Variants in THAP7 observed in about 807,000 individuals in gnomAD.
THAP7 encodes THAP domain containing 7.
A neutral mutation model predicts 29.2 loss-of-function variants in THAP7; 22 were observed. The observed-to-expected ratio is 0.75, with a 90% CI of 0.54 to 1.08. The LOEUF (loss-of-function observed/expected upper bound fraction) is 1.08, where lower values mean the gene tolerates loss of function less well. Among genes scored for constraint, THAP7 ranks in the 50% least tolerant of loss-of-function variants. The probability of loss-of-function intolerance (pLI) is 0.00; values close to 1 mark genes in which losing one functional copy is unlikely to be tolerated. For missense variants in THAP7, 448 were observed against 416.2 expected (o/e 1.08, Z -0.66); for synonymous variants, 208 against 173.4 (o/e 1.20, Z -1.57).
In THAP7 at chr22:21,001,339, C is replaced by G. The variant is rs1244143238; in HGVS notation, c.153G>C (p.Gln51His). ...ANCQRLDPSG[Q>H]GLWDPASEYI... ...ACTCGGATGCCGGGTCCCACAGGCC[C>G]TGGCCGCTGGGGTCCAGCCGCTGGC... The change falls in exon 2 of 4, where the codon CAG (glutamine) becomes CAC (histidine). Residue 51 changes from glutamine to histidine, a missense_variant. Gln to His is a conservative substitution (Grantham distance 24, BLOSUM62 0). Transcript: ENST00000215742. The G allele has an allele frequency of 3.1e-6, 5 of 1,613,830 alleles. No individual in the cohort carries two copies. Among genetic ancestry groups the G allele is most frequent in the Non-Finnish European group, 4.2e-6 (5 of 1,180,000 alleles).
In THAP7 at chr22:21,000,647, C is replaced by G. The variant is rs144107623; in HGVS notation, c.377G>C (p.Arg126Pro). The G allele has an allele frequency of 1.6e-4, 255 of 1,613,946 alleles. No individual in the cohort carries two copies. The highest frequency in any genetic ancestry group is 1.9e-4 in the Non-Finnish European group (219 of 1,180,028). Residue 126 changes from arginine to proline, a missense_variant and splice_region_variant, in exon 3 of 4, where the codon CGC becomes CCC. By Grantham distance (103) the Arg-to-Pro change is moderately radical. Coordinates refer to ENST00000215742, the MANE Select transcript of THAP7 (RefSeq NM_030573.3). ...GGCATCCCCCACCCATATCACATAC[C>G]GCTTCCTGCATCGTCTGAGCCGGCT... Reference protein sequence around the residue: ...EVSRLRRCRKRCSEGRGPTTP... With the variant: ...EVSRLRRCRKPCSEGRGPTTP...
Position 21,000,244 on chromosome 22 carries a change from G to C in THAP7, c.566C>G (p.Ala189Gly), listed in dbSNP as rs1344701029. The C allele has an allele frequency of 6.4e-7, 1 of 1,557,174 alleles. No homozygotes were observed. Among genetic ancestry groups the C allele is most frequent in the Non-Finnish European group, 8.7e-7 (1 of 1,150,102 alleles). ...TGGTGAAGGCTGGGCGCTGCAGCCT[G>C]CTTCATCTGCCTGGGCACCCAAGGG... ...LGPLGAQADEAGCSAQPSPER... is the reference protein window; with the variant it reads ...LGPLGAQADEGGCSAQPSPER... Residue 189 changes from alanine to glycine, a missense_variant, in exon 4 of 4, where the codon GCA becomes GGA. Coordinates refer to ENST00000215742, the MANE Select transcript of THAP7 (RefSeq NM_030573.3).
rs557507172 is a variant in THAP7, at chr22:21,002,035, G to C, written c.-124C>G. 1.1e-6 allele frequency: 1 copy of C among 873,654 alleles called. No individual in the cohort carries two copies. The highest frequency in any genetic ancestry group is 3.0e-5 in the East Asian group (1 of 32,942). The allele number at this position is 873,654 out of a possible 1,614,324, so 54.1% of individuals were successfully genotyped here. A position where few individuals can be genotyped will look rare whatever the true frequency, so the allele number is the denominator to read the frequency against. Reference sequence around the variant, plus strand: ...GTCGGGTCCCCCCCGGCCCGTTGTCGCCCCAACCCCGTCCCAGCCGATTCT... The same window carrying C: ...GTCGGGTCCCCCCCGGCCCGTTGTCCCCCCAACCCCGTCCCAGCCGATTCT... On this transcript the variant is annotated 5_prime_UTR_variant, in exon 1 of 4. Coordinates refer to ENST00000215742, the MANE Select transcript of THAP7 (RefSeq NM_030573.3).
chr22:21,000,862 C>G, intron 2 of THAP7, 75 bp from the exon 3 acceptor site: 2 of 1,594,288 alleles, frequency 1.3e-6, no homozygotes, highest in Non-Finnish European at 8.6e-7. Flanking sequence ...CCAGCAGCAG[C>G]GCCGTGGGAT....
intron 3 of THAP7, 62 bp from the exon 4 acceptor site, chr22:21,000,494 C>G: frequency 1.9e-6 from 3 of 1,541,380 alleles, no homozygotes; most frequent in African/African-American, 2.7e-5. Flanking sequence ...CCCCCCTCCA[C>G]CAGCCCACCT....
rs1925083512 is a variant in THAP7, at chr22:21,000,322, G to T, written c.488C>A (p.Pro163Gln). 1.3e-6 allele frequency: 2 copies of T among 1,555,456 alleles called. No individual in the cohort carries two copies. Among genetic ancestry groups the T allele is most frequent in the South Asian group, 2.4e-5 (2 of 84,534 alleles). The part of the protein sequence containing the change: ...ASAPATLPAS[P>Q]AGRLEPGLSS... Reference sequence around the variant, plus strand: ...AAGGCCAGGCTCCAGCCTCCCAGCTGGGGAGGCCGGCAAAGTGGCAGGTGC... The same window carrying T: ...AAGGCCAGGCTCCAGCCTCCCAGCTTGGGAGGCCGGCAAAGTGGCAGGTGC... The change falls in exon 4 of 4, where the codon CCA (proline) becomes CAA (glutamine). Residue 163 changes from proline (P) to glutamine (Q), a missense_variant. Pro to Gln is a moderately conservative substitution (Grantham distance 76, BLOSUM62 -1). Coordinates refer to ENST00000215742, the MANE Select transcript of THAP7 (RefSeq NM_030573.3).
chr22:21,001,601 C>T lies in THAP7; in HGVS notation c.81-190G>A, dbSNP rs1411274838. On this transcript the variant is annotated intron_variant, in intron 1 of 3. Transcript: ENST00000215742. Reference sequence around the variant, plus strand: ...GCCTCGAGAAGAAAAGCAGTTTCCTCAGCGTCATCTGGCAGGTAACAGAGT... The same window carrying T: ...GCCTCGAGAAGAAAAGCAGTTTCCTTAGCGTCATCTGGCAGGTAACAGAGT... The T allele has an allele frequency of 6.2e-6, 6 of 963,814 alleles. 1 individual carries two copies. The highest frequency in any genetic ancestry group is 6.0e-6 in the Non-Finnish European group (4 of 667,846). The allele number at this position is 963,814 out of a possible 1,614,324, so 59.7% of individuals were successfully genotyped here.
At position 20,999,439 on chromosome 22, in the gene THAP7, G is replaced by A. The variant is rs1035214541; in HGVS notation, c.*441C>T. 17 of 163,082 alleles carry A rather than the reference G, an allele frequency of 1.0e-4. No homozygotes were observed. The highest frequency in any genetic ancestry group is 1.5e-4 in the Non-Finnish European group (11 of 74,552). 10.1% of individuals were successfully genotyped at this position (163,082 alleles called of 1,614,324 possible). On this transcript the variant is annotated 3_prime_UTR_variant, in exon 4 of 4. Transcript: ENST00000215742. ...CCTGTCATGCTCCTGCTTGAGAACCGGATCTAGACTGGGTTTTAGAAGTGT... is the reference window on the plus strand; with the variant it reads ...CCTGTCATGCTCCTGCTTGAGAACCAGATCTAGACTGGGTTTTAGAAGTGT...
chr22:21,001,887 C>A lies in THAP7; in HGVS notation c.25G>T (p.Gly9Cys). The A allele has an allele frequency of 6.4e-7, 1 of 1,573,168 alleles. No individual in the cohort carries two copies. Residue 9 changes from glycine to cysteine, a missense_variant, in exon 1 of 4, where the codon GGC (glycine) becomes TGC (cysteine). Transcript: ENST00000215742. The part of the protein sequence containing the change: MPRHCSAA[G>C]CCTRDTRETR... ...TCGCGCGTGTCCCGTGTGCAGCAGC[C>A]GGCGGCGGAGCAGTGACGCGGCATC...
At chr22:21,001,200 C>T in intron 2 of THAP7, 56 bp downstream of exon 2, 1 of 1,599,162 alleles carries the variant, frequency 6.3e-7, no homozygotes, top group Admixed American at 1.7e-5. Flanking sequence ...TGCAGCTGTC[C>T]CAGTCCGCCG....
At chr22:21,001,459 C>T in intron 1 of THAP7, 48 bp from the exon 2 acceptor site, 1 of 1,592,870 alleles carries the variant, frequency 6.3e-7, no homozygotes. Flanking sequence ...CAGCCCTGGG[C>T]TCATGCTGCC....
At position 21,001,272 on chromosome 22, in the gene THAP7, C is replaced by G; in HGVS notation, c.220G>C (p.Glu74Gln). 6.2e-7 allele frequency: 1 copy of G among 1,614,072 alleles called. No individual in the cohort carries two copies. Among genetic ancestry groups the G allele is most frequent in the Non-Finnish European group, 8.5e-7 (1 of 1,179,940 alleles). Residue 74 changes from glutamate to glutamine, a missense_variant, in exon 2 of 4, where the codon GAG (glutamate) becomes CAG (glutamine). Physicochemically the swap from Glu to Gln is conservative, Grantham distance 29 (BLOSUM62 2). Transcript: ENST00000215742. The part of the protein sequence containing the change: ...CSKHFEEDCF[E>Q]LVGISGYHRL... ...GAGGCCCACCTGATTCCCACCAGCT[C>G]AAAGCAGTCCTCCTCAAAGTGTTTG... is the stretch of plus-strand genomic sequence containing the variant.
intron 1 of THAP7, 129 bp from the exon 2 acceptor site, chr22:21,001,540 A>G: frequency 7.2e-7 from 1 of 1,379,834 alleles, no homozygotes; most frequent in South Asian, 1.4e-5. Flanking sequence ...CCCGCCGGGT[A>G]AGCACCACCG....
rs1480723336 is a variant in THAP7, at chr22:21,001,815, G to A, written c.80+17C>T. The A allele has an allele frequency of 1.3e-6, 2 of 1,545,152 alleles. No homozygotes were observed. Among genetic ancestry groups the A allele is most frequent in the Admixed American group, 4.0e-5 (2 of 50,406 alleles). On this transcript the variant is annotated intron_variant, in intron 1 of 3. Transcript: ENST00000215742. ...CTAGCGCATGCGCACGTGAGCCCGC[G>A]GCGCACGCGCGCTGACCTGTGGAAG...
Position 21,001,996 on chromosome 22 carries a change from AGGGGCTCTGGCCTGTCG to A in THAP7, c.-102_-86del. ...CGCCTCCAGCCGCCGCTCCTCCCCA[AGGGGCTCTGGCCTGTCG>A]GGTCCCCCCCGGCCCGTTGTCGCCC... On this transcript the variant is annotated 5_prime_UTR_variant, in exon 1 of 4. Coordinates refer to ENST00000215742, the MANE Select transcript of THAP7 (RefSeq NM_030573.3). 1 of 1,389,198 alleles carries A rather than the reference AGGGGCTCTGGCCTGTCG, an allele frequency of 7.2e-7. No individual in the cohort carries two copies. Among genetic ancestry groups the A allele is most frequent in the Non-Finnish European group, 9.7e-7 (1 of 1,033,990 alleles). 86.1% of individuals were successfully genotyped at this position (1,389,198 alleles called of 1,614,324 possible).
At chr22:21,001,537 G>A (rs1925165956) in intron 1 of THAP7, 126 bp from the exon 2 acceptor site, 5 of 1,413,764 alleles carry the variant, frequency 3.5e-6, no homozygotes, top group Admixed American at 2.3e-5. Flanking sequence ...GACCCCGCCG[G>A]GTAAGCACCA....
In THAP7 at chr22:21,000,305, G is replaced by A; in HGVS notation, c.505C>T (p.Pro169Ser). The A allele has an allele frequency of 6.4e-6, 10 of 1,555,844 alleles. No homozygotes were observed. Among genetic ancestry groups the A allele is most frequent in the Non-Finnish European group, 8.7e-6 (10 of 1,149,914 alleles). ...TCTGAAAAGGGGCTGCTAAGGCCAG[G>A]CTCCAGCCTCCCAGCTGGGGAGGCC... ...LPASPAGRLE[P>S]GLSSPFSDLL... Residue 169 changes from proline to serine, a missense_variant, in exon 4 of 4, where the codon CCT becomes TCT. By Grantham distance (74) the Pro-to-Ser change is moderately conservative. Coordinates refer to ENST00000215742, the MANE Select transcript of THAP7 (RefSeq NM_030573.3).
At position 21,002,089 on chromosome 22, in the gene THAP7, C is replaced by T. The variant is rs1229616593; in HGVS notation, c.-178G>A. On this transcript the variant is annotated 5_prime_UTR_variant, in exon 1 of 4. Coordinates refer to ENST00000215742, the MANE Select transcript of THAP7 (RefSeq NM_030573.3). ...GACTTCTGTCAGCGGCACTCACGCT[C>T]TGGCCATTGCTGCGCCGCCGAAGTC... 3 of 598,392 alleles carry T rather than the reference C, an allele frequency of 5.0e-6. No individual in the cohort carries two copies. The highest frequency in any genetic ancestry group is 8.4e-6 in the Non-Finnish European group (3 of 356,614). 37.1% of individuals were successfully genotyped at this position (598,392 alleles called of 1,614,324 possible).
intron 2 of THAP7, 93 bp downstream of exon 2, chr22:21,001,163 C>G: frequency 1.3e-6 from 2 of 1,531,066 alleles, no homozygotes; most frequent in South Asian, 1.2e-5. Context: ...CCCTTGGACG[C>G]AGGCTGCTCA....
Sources: allele counts gnomAD v4.1 joint callset, GRCh38; gene constraint gnomAD v4.1.1; transcripts MANE v1.5; gene names NCBI Gene and HGNC (gene_info 2026-07-23, HGNC 2026-07-21).